Variants in SLC9C1 observed in about 807,000 individuals in gnomAD.
The protein encoded by SLC9C1 is sodium/hydrogen exchanger 10.
SLC9C1 carries 97 observed loss-of-function variants against 140.9 expected under a neutral mutation model. The observed-to-expected ratio is 0.69, with a 90% CI of 0.58 to 0.82. The LOEUF (loss-of-function observed/expected upper bound fraction) is 0.82. SLC9C1 is among the 40% of genes least tolerant of loss of function. The pLI is 0.00. For missense variants in SLC9C1, 1,340 were observed against 1,389.3 expected (o/e 0.96, Z 0.56); for synonymous variants, 440 against 442.6 (o/e 0.99, Z 0.07).
chr3:112,286,320 A>AT, intron 2 of SLC9C1, among the ~76,000 whole-genome samples: 1 of 152,254 alleles, frequency 6.6e-6, no homozygotes, highest in Admixed American at 6.5e-5. Context: ...CTTTTTGTTT[A>AT]TACCATGTTC....
At chr3:112,248,502 T>C (rs1340873144) in intron 10 of SLC9C1, among the ~76,000 whole-genome samples, 4 of 152,200 alleles carry the variant, frequency 2.6e-5, no homozygotes, top group Admixed American at 1.3e-4. Context: ...TTTGATGCCA[T>C]TATTATGTTC....
intron 23 of SLC9C1, among the ~76,000 whole-genome samples, chr3:112,171,682 G>A (rs979811936): frequency 1.8e-4 from 28 of 152,024 alleles, no homozygotes; most frequent in African/African-American, 6.8e-4. Context: ...AAAAATCCTG[G>A]CTAAGAAATC....
chr3:112,252,747 C>G (rs1170051260), intron 10 of SLC9C1, among the ~76,000 whole-genome samples: 1 of 152,078 alleles, frequency 6.6e-6, no homozygotes, highest in Non-Finnish European at 1.5e-5. Flanking sequence ...TCAAGGTGAC[C>G]AGGGACTGGA....
At chr3:112,260,595 T>C (rs1371176871) in intron 10 of SLC9C1, among the ~76,000 whole-genome samples, 1 of 152,170 alleles carries the variant, frequency 6.6e-6, no homozygotes, top group Non-Finnish European at 1.5e-5. Context: ...AGGCAGTTAA[T>C]TTGCTGGCAG....
chr3:112,212,317 A>T (rs2078230238), intron 15 of SLC9C1, among the ~76,000 whole-genome samples: 1 of 152,246 alleles, frequency 6.6e-6, no homozygotes, highest in African/African-American at 2.4e-5. Context: ...CTCCAAAAGA[A>T]CATAGCTCCT....
At chr3:112,178,228 T>A (rs1386054849) in intron 23 of SLC9C1, among the ~76,000 whole-genome samples, 1 of 152,010 alleles carries the variant, frequency 6.6e-6, no homozygotes, top group Non-Finnish European at 1.5e-5. Context: ...AACTTTGGGT[T>A]CCTGAGCTCA....
intron 15 of SLC9C1, among the ~76,000 whole-genome samples, chr3:112,214,671 T>A (rs566626853): frequency 1.3e-5 from 2 of 152,274 alleles, no homozygotes; most frequent in South Asian, 4.1e-4. Context: ...AGAATTTGAA[T>A]CTCTGAATAG....
At chr3:112,198,162 A>G (rs2077813746) in intron 20 of SLC9C1, among the ~76,000 whole-genome samples, 2 of 152,160 alleles carry the variant, frequency 1.3e-5, no homozygotes, top group Non-Finnish European at 2.9e-5. Flanking sequence ...TTCTTGCCAC[A>G]TAGGTGTTAT....
intron 10 of SLC9C1, among the ~76,000 whole-genome samples, chr3:112,259,981 T>C (rs559970222): frequency 6.6e-6 from 1 of 152,296 alleles, no homozygotes; most frequent in South Asian, 2.1e-4. Context: ...TCTGCATCAA[T>C]TGATATAATT....
chr3:112,202,802 TGAGAAACCACCA>T (rs1231685123), intron 17 of SLC9C1, among the ~76,000 whole-genome samples: 142 of 152,082 alleles, frequency 9.3e-4, no homozygotes, highest in African/African-American at 3.2e-3. Context: ...TCTGGTCAGG[TGAGAAACCACCA>T]CAACCATACT....
intron 6 of SLC9C1, among the ~76,000 whole-genome samples, chr3:112,272,749 A>G (rs952590473): frequency 2.0e-5 from 3 of 152,168 alleles, no homozygotes; most frequent in African/African-American, 4.8e-5. Context: ...ATAAAGTTCC[A>G]TTCTATTCAT....
At chr3:112,231,722 A>G (rs1249546913) in intron 12 of SLC9C1, among the ~76,000 whole-genome samples, 1 of 152,178 alleles carries the variant, frequency 6.6e-6, no homozygotes, top group Non-Finnish European at 1.5e-5. Flanking sequence ...CTTTACTTTT[A>G]CACGGCATTA....
At chr3:112,263,886 A>G (rs1013638211) in intron 9 of SLC9C1, among the ~76,000 whole-genome samples, 2 of 151,908 alleles carry the variant, frequency 1.3e-5, no homozygotes, top group African/African-American at 4.8e-5. Flanking sequence ...ATTGTTTGTT[A>G]TATAATATTG....
chr3:112,277,683 C>T lies in SLC9C1; in HGVS notation c.484+12G>A, dbSNP rs1335061110. 6.5e-7 allele frequency: 1 copy of T among 1,540,312 alleles called. No homozygotes were observed. Among genetic ancestry groups the T allele is most frequent in the Non-Finnish European group, 8.7e-7 (1 of 1,149,216 alleles). On this transcript the variant is annotated intron_variant, in intron 5 of 28. Transcript: ENST00000305815. ...ATATTATAAATATAGAAAAAGAGAA[C>T]AATATACCTACCAAGGTCTCTTATA...
chr3:112,143,235 GTATA>G (rs56997574), intron 28 of SLC9C1, among the ~76,000 whole-genome samples: 1,684 of 150,486 alleles, frequency 0.011, 30 homozygotes, highest in African/African-American at 0.038. Flanking sequence ...AATAATTTGT[GTATA>G]TATATATATA....
At chr3:112,250,716 T>A (rs1008313277) in intron 10 of SLC9C1, among the ~76,000 whole-genome samples, 2 of 152,152 alleles carry the variant, frequency 1.3e-5, no homozygotes, top group African/African-American at 4.8e-5. Context: ...CCACTCAGAC[T>A]GGTTATTACT....
Position 112,262,990 on chromosome 3 carries a change from A to G in SLC9C1, c.1131T>C (p.Asn377=), listed in dbSNP as rs143746495. The stretch of plus-strand genomic sequence containing the variant: ...AGGCAAGCAGAAGGGCCATGTTTAT[A>G]TTAGGCATCCCCTTCATTTCACTAC... ...MVCSEMKGMP[N]INMALLLAYS... Residue 377 remains asparagine (N), a synonymous_variant, in exon 10 of 29, where the codon AAT becomes AAC. Transcript: ENST00000305815. The G allele has an allele frequency of 1.9e-6, 3 of 1,606,680 alleles. No homozygotes were observed. Among genetic ancestry groups the G allele is most frequent in the Non-Finnish European group, 1.7e-6 (2 of 1,177,082 alleles).
At chr3:112,153,254 T>A (rs968103591) in intron 27 of SLC9C1, among the ~76,000 whole-genome samples, 2 of 152,194 alleles carry the variant, frequency 1.3e-5, no homozygotes, top group East Asian at 3.8e-4. Flanking sequence ...GCCATCATTC[T>A]TTTTTTAATT....
intron 1 of SLC9C1, among the ~76,000 whole-genome samples, chr3:112,289,657 T>TG (rs1559759103): frequency 6.6e-6 from 1 of 152,234 alleles, no homozygotes; most frequent in Non-Finnish European, 1.5e-5. Flanking sequence ...AAGGCCAGCC[T>TG]GGAGCAACAT....
Sources: allele counts gnomAD v4.1 joint callset (sites outside exome capture counted in the v4.1 genomes callset), GRCh38; gene constraint gnomAD v4.1.1; transcripts MANE v1.5; gene names NCBI Gene and HGNC (gene_info 2026-07-23, HGNC 2026-07-21).